MBD1: variants seen among roughly 807,000 people sequenced by gnomAD.
MBD1 encodes the protein methyl-CpG-binding domain protein 1.
A neutral mutation model predicts 82.6 loss-of-function variants in MBD1; 25 were observed. The ratio of observed to expected loss-of-function variants is 0.30; its 90% CI spans 0.22 to 0.42. The LOEUF is 0.42. MBD1 is among the 10% of genes least tolerant of loss of function. The pLI, the probability that MBD1 is intolerant of heterozygous loss-of-function variation, is 1.00. For missense variants in MBD1, 627 were observed against 819.6 expected (o/e 0.76, Z 2.87); for synonymous variants, 301 against 303.7 (o/e 0.99, Z 0.09).
downstream of MBD1, chr18:50,267,293 C>A (rs766134662): frequency 1.7e-4 from 62 of 368,290 alleles, no homozygotes; most frequent in African/African-American, 1.2e-3. Context: ...TATTTTCCAG[C>A]TAAGGCAAAG....
intron 11 of MBD1, 115 bp from the exon 12 acceptor site, chr18:50,273,978 C>T (rs1300648275): frequency 2.5e-5 from 35 of 1,410,320 alleles, no homozygotes; most frequent in East Asian, 4.6e-5. Context: ...AATCTGCTTA[C>T]ATATGAGCCC....
chr18:50,277,461 A>G, intron 2 of MBD1, among the ~76,000 whole-genome samples: 1 of 152,226 alleles, frequency 6.6e-6, no homozygotes, highest in East Asian at 1.9e-4. Context: ...TACTGGAACT[A>G]TTTCATGTAA....
downstream of MBD1, among the ~76,000 whole-genome samples, chr18:50,268,228 C>T (rs1242679196): frequency 6.6e-6 from 1 of 151,848 alleles, no homozygotes; most frequent in Non-Finnish European, 1.5e-5. Flanking sequence ...GCCCGAAGTA[C>T]GGCTTGGGAA....
chr18:50,271,278 T>A (rs556751285), intron 16 of MBD1, 191 bp downstream of exon 16: 1 of 1,454,646 alleles, frequency 6.9e-7, no homozygotes. Context: ...ATGCACCAAC[T>A]TTCTACTCTT....
intron 2 of MBD1, 83 bp from the exon 3 acceptor site, chr18:50,277,287 A>T (rs529350049): frequency 2.1e-5 from 23 of 1,107,280 alleles, no homozygotes; most frequent in Non-Finnish European, 3.0e-5. Flanking sequence ...GGCTGGCAGG[A>T]TATAGGAGGC....
intron 16 of MBD1, chr18:50,270,926 T>C (rs2035253319): frequency 6.7e-6 from 4 of 595,318 alleles, no homozygotes; most frequent in Non-Finnish European, 8.5e-6. Flanking sequence ...TGTTCGACAT[T>C]GGACAAATTA....
intron 1 of MBD1, among the ~76,000 whole-genome samples, chr18:50,280,721 C>A (rs1201134194): frequency 6.6e-6 from 1 of 151,956 alleles, no homozygotes; most frequent in Non-Finnish European, 1.5e-5. Flanking sequence ...TTTTTCTTCT[C>A]CTTCAATGTT....
At position 50,269,819 on chromosome 18, in the gene MBD1, C is replaced by T; in HGVS notation, c.*33-1G>A. The T allele has an allele frequency of 1.2e-6, 1 of 800,790 alleles. No homozygotes were observed. Among genetic ancestry groups the T allele is most frequent in the Non-Finnish European group, 2.3e-6 (1 of 436,256 alleles). 49.6% of individuals were successfully genotyped at this position (800,790 alleles called of 1,614,324 possible). On this transcript the variant is annotated splice_acceptor_variant, in intron 16 of 16. Coordinates refer to ENST00000269468, the MANE Select transcript of MBD1 (RefSeq NM_015846.4). LOFTEE classifies it low-confidence loss of function (3UTR_SPLICE). ...CCTTCCCGAGTGCCTGCCCTGCAGA[C>T]TTCAAGCTCCAGCATTAGATGCAAA...
intron 2 of MBD1, among the ~76,000 whole-genome samples, chr18:50,278,118 G>A (rs1259047335): frequency 1.3e-5 from 2 of 152,224 alleles, no homozygotes; most frequent in African/African-American, 2.4e-5. Context: ...GGCAGGTTGT[G>A]TCTAGAACAT....
rs1227685522 is a variant in MBD1 at position 50,277,103 on chromosome 18, T to C, written c.212A>G (p.Tyr71Cys). ...GTTGTGAAGTACCTTGGGGGCTGGA[T>C]AGCACAAGATGCCTTGTTTGAAGTC... ...LFDFKQGILCYPAPKAHPVAV... is the reference protein window; with the variant it reads ...LFDFKQGILCCPAPKAHPVAV... Residue 71 changes from tyrosine (Y) to cysteine (C), a missense_variant, in exon 3 of 17, where the codon TAT (tyrosine) becomes TGT (cysteine). Physicochemically the swap from Tyr to Cys is radical, Grantham distance 194. Around this residue, in one of 6 missense-constraint regions of MBD1, gnomAD observed 75 missense variants for 74.7 expected, o/e 1.00. Transcript: ENST00000269468. 1.9e-6 allele frequency: 3 copies of C among 1,614,136 alleles called. No homozygotes were observed. The highest frequency in any genetic ancestry group is 2.5e-6 in the Non-Finnish European group (3 of 1,180,048).
At chr18:50,280,850 C>T (rs1306457258) in intron 1 of MBD1, among the ~76,000 whole-genome samples, 1 of 152,018 alleles carries the variant, frequency 6.6e-6, no homozygotes, top group Non-Finnish European at 1.5e-5. Context: ...CCAGAGAGAC[C>T]CTAATTTCTC....
rs753232287 is a variant in MBD1, at chr18:50,279,894, G to C, written c.99C>G (p.Thr33=). The C allele has an allele frequency of 2.5e-6, 4 of 1,613,888 alleles. No individual in the cohort carries two copies. In the East Asian group the frequency reaches 8.9e-5, roughly 36 times the overall value. ...KSGATCGRSD[T]YYQSPTGDRI... is the part of the protein sequence containing the mutation. ...TACCCACCCAGTACCTCTGGTAATAGGTGTCTGAGCGTCCACAGGTGGCCC... is the reference window on the plus strand; with the variant it reads ...TACCCACCCAGTACCTCTGGTAATACGTGTCTGAGCGTCCACAGGTGGCCC... The change falls in exon 2 of 17, where the codon ACC becomes ACG. Residue 33 remains threonine, a synonymous_variant. Coordinates refer to ENST00000269468, the MANE Select transcript of MBD1 (RefSeq NM_015846.4).
Position 50,273,327 on chromosome 18 carries a change from C to T in MBD1, c.1584+7G>A, listed in dbSNP as rs373066988. The T allele has an allele frequency of 3.1e-6, 5 of 1,613,958 alleles. No individual in the cohort carries two copies. Among genetic ancestry groups the T allele is most frequent in the Admixed American group, 1.7e-5 (1 of 60,008 alleles). On this transcript the variant is annotated splice_region_variant and intron_variant, in intron 13 of 16. Transcript: ENST00000269468. Reference sequence around the variant, plus strand: ...GGCACCAACAGAACATCCATCACTGCCCCCACCTTGCTAGGGCAGCCAGGC... The same window carrying T: ...GGCACCAACAGAACATCCATCACTGTCCCCACCTTGCTAGGGCAGCCAGGC...
intron 16 of MBD1, chr18:50,270,102 A>T: frequency 6.3e-7 from 1 of 1,598,360 alleles, no homozygotes; most frequent in Non-Finnish European, 8.5e-7. Context: ...GAAACAAAGC[A>T]GTATCAGTCT....
chr18:50,274,912 C>CA, intron 10 of MBD1, 65 bp downstream of exon 10: 1 of 1,547,610 alleles, frequency 6.5e-7, no homozygotes, highest in Non-Finnish European at 8.9e-7. Context: ...CCAGCATCTG[C>CA]TTCTTTGAAG....
In MBD1 at chr18:50,277,094, G is replaced by A; in HGVS notation, c.221C>T (p.Pro74Leu). The change falls in exon 3 of 17, where the codon CCC becomes CTC. Residue 74 changes from proline to leucine, a missense_variant. This residue lies in a region of MBD1 where 75 missense variants were observed against 74.7 expected (regional missense o/e 1.00). Transcript: ENST00000269468. ...GTATCTCATGTTGTGAAGTACCTTG[G>A]GGGCTGGATAGCACAAGATGCCTTG... ...FKQGILCYPA[P>L]KAHPVAVASK... is the part of the protein sequence containing the mutation. 1 of 1,614,214 alleles carries A rather than the reference G, an allele frequency of 6.2e-7. No individual in the cohort carries two copies. The highest frequency in any genetic ancestry group is 8.5e-7 in the Non-Finnish European group (1 of 1,180,020).
intron 1 of MBD1, 105 bp from the exon 2 acceptor site, chr18:50,280,122 C>A: frequency 2.6e-6 from 3 of 1,150,808 alleles, no homozygotes; most frequent in Non-Finnish European, 3.7e-6. Context: ...TTGCCCAAGC[C>A]CTAGGACCTG....
At chr18:50,270,143 G>A in intron 16 of MBD1, 3 of 1,598,344 alleles carry the variant, frequency 1.9e-6, no homozygotes, top group South Asian at 1.1e-5. Context: ...GAACTAGTTA[G>A]GATGGAATAA....
At chr18:50,278,502 C>T (rs1031984732) in intron 2 of MBD1, among the ~76,000 whole-genome samples, 1 of 152,014 alleles carries the variant, frequency 6.6e-6, no homozygotes, top group East Asian at 1.9e-4. Flanking sequence ...GACAACTGCA[C>T]TTTTAAGTTT....
Sources: gnomAD v4.1 joint callset for allele counts (sites outside exome capture counted in the v4.1 genomes callset) on GRCh38, gnomAD v4.1.1 for gene constraint, gnomAD v4.1.1 regional missense constraint, MANE v1.5 for transcripts, NCBI Gene and HGNC (gene_info 2026-07-23, HGNC 2026-07-21) for gene names.